Variants in SENP7 observed in about 807,000 individuals in gnomAD.
The protein encoded by SENP7 is SUMO specific peptidase 7, also known as sentrin-specific protease 7.
A neutral mutation model predicts 141.2 loss-of-function variants in SENP7; 64 were observed. The observed-to-expected ratio is 0.45, with a 90% CI of 0.37 to 0.56. The LOEUF (loss-of-function observed/expected upper bound fraction) is 0.56. Ranked by LOEUF, SENP7 falls within the 20% of genes least tolerant of loss-of-function variation. SENP7 has a pLI of 0.00. For missense variants in SENP7, 1,025 were observed against 1,212.2 expected, an observed-to-expected ratio of 0.85 and a Z score of 2.29; for synonymous variants, 382 against 426.4, an observed-to-expected ratio of 0.90 and a Z score of 1.28.
At chr3:101,361,507 T>C (rs1327691003) in intron 11 of SENP7, among the ~76,000 whole-genome samples, 2 of 152,084 alleles carry the variant, frequency 1.3e-5, no homozygotes, top group East Asian at 1.9e-4. Context: ...ATGATTTTCA[T>C]TAGAGTAGTC....
intron 2 of SENP7, among the ~76,000 whole-genome samples, chr3:101,498,175 T>C (rs1482774753): frequency 6.6e-6 from 1 of 152,158 alleles, no homozygotes; most frequent in Non-Finnish European, 1.5e-5. Context: ...ATATATAAAT[T>C]TGGAGGCAAG....
At chr3:101,358,058 A>AT (rs1256009063) in intron 11 of SENP7, 2 of 642,548 alleles carry the variant, frequency 3.1e-6, no homozygotes, top group Non-Finnish European at 4.9e-6. Context: ...CTCAACCCTT[A>AT]TTAAACATGA....
chr3:101,463,535 G>A (rs543295373), intron 3 of SENP7, among the ~76,000 whole-genome samples: 19 of 151,134 alleles, frequency 1.3e-4, no homozygotes, highest in African/African-American at 4.6e-4. Context: ...AAGAATTCTA[G>A]ACAGACTTCA....
chr3:101,358,258 C>T, intron 11 of SENP7: 1 of 1,060,528 alleles, frequency 9.4e-7, no homozygotes, highest in Non-Finnish European at 1.3e-6. Context: ...AGAAACCTTA[C>T]AAATGTGAAG....
chr3:101,399,264 T>C (rs1249483240), intron 5 of SENP7, among the ~76,000 whole-genome samples: 4 of 152,246 alleles, frequency 2.6e-5, no homozygotes, highest in Admixed American at 1.3e-4. Flanking sequence ...TTATCACTTA[T>C]AACATAGATT....
chr3:101,360,864 G>A (rs1020486277), intron 11 of SENP7, among the ~76,000 whole-genome samples: 1 of 152,154 alleles, frequency 6.6e-6, no homozygotes, highest in African/African-American at 2.4e-5. Context: ...TATCAGAGAA[G>A]CTTTAAAAGA....
intron 5 of SENP7, among the ~76,000 whole-genome samples, chr3:101,403,525 T>C (rs747389727): frequency 3.3e-5 from 5 of 152,208 alleles, no homozygotes; most frequent in Admixed American, 6.5e-5. Flanking sequence ...GTCTGTCCTA[T>C]TACATTATAC....
chr3:101,507,791 C>A (rs749519699), intron 1 of SENP7, among the ~76,000 whole-genome samples: 1 of 152,056 alleles, frequency 6.6e-6, no homozygotes, highest in African/African-American at 2.4e-5. Context: ...TGGCTCACAC[C>A]TGTAATCACA....
chr3:101,421,655 G>A (rs936457240), intron 4 of SENP7, among the ~76,000 whole-genome samples: 2 of 152,090 alleles, frequency 1.3e-5, no homozygotes, highest in African/African-American at 4.8e-5. Flanking sequence ...CGGACAATTT[G>A]GCTTCTCCGG....
At chr3:101,438,563 T>TA (rs1320703602) in intron 4 of SENP7, among the ~76,000 whole-genome samples, 1 of 152,188 alleles carries the variant, frequency 6.6e-6, no homozygotes, top group African/African-American at 2.4e-5. Context: ...ATTAAGATGA[T>TA]AAAATTTATG....
intron 3 of SENP7, among the ~76,000 whole-genome samples, chr3:101,478,945 C>A: frequency 6.6e-6 from 1 of 151,862 alleles, no homozygotes; most frequent in African/African-American, 2.4e-5. Context: ...GGATGAAAAA[C>A]AAAAACCATG....
At chr3:101,406,725 T>A (rs548643937) in intron 5 of SENP7, among the ~76,000 whole-genome samples, 1 of 152,266 alleles carries the variant, frequency 6.6e-6, no homozygotes, top group South Asian at 2.1e-4. Flanking sequence ...AAAGAACACC[T>A]GGAAAATTCA....
chr3:101,388,131 A>G (rs138073549), intron 6 of SENP7, among the ~76,000 whole-genome samples: 2 of 152,318 alleles, frequency 1.3e-5, no homozygotes, highest in Non-Finnish European at 2.9e-5. Context: ...ACAAAAGTCT[A>G]TGAACCACCA....
At chr3:101,336,140 T>G (rs571905778) in intron 17 of SENP7, among the ~76,000 whole-genome samples, 17 of 152,330 alleles carry the variant, frequency 1.1e-4, no homozygotes, top group Non-Finnish European at 2.1e-4. Flanking sequence ...TATCCAACTT[T>G]GAAAAACTCA....
At position 101,462,433 on chromosome 3, in the gene SENP7, C is replaced by T. The variant is rs538338799; in HGVS notation, c.187-3381G>A. ...GCACATGCCTATAATCCCAGCTACT[C>T]GGGAGGCTGAGGCAGAAGAATCACT... On this transcript the variant is annotated intron_variant, in intron 3 of 23. Coordinates refer to ENST00000394095, the MANE Select transcript of SENP7 (RefSeq NM_020654.5). Among the ~76,000 whole-genome samples, 6 of 151,404 alleles carry T rather than the reference C, an allele frequency of 4.0e-5. No homozygotes were observed. In the South Asian group the frequency reaches 1.0e-3, roughly 26 times the overall value.
At chr3:101,438,123 A>G (rs2062461152) in intron 4 of SENP7, among the ~76,000 whole-genome samples, 1 of 152,226 alleles carries the variant, frequency 6.6e-6, no homozygotes, top group Non-Finnish European at 1.5e-5. Context: ...AAAATTAAAA[A>G]CAGTGAGCTG....
intron 21 of SENP7, 41 bp from the exon 22 acceptor site, chr3:101,328,587 T>C (rs1405477972): frequency 1.3e-6 from 2 of 1,599,120 alleles, no homozygotes; most frequent in African/African-American, 1.3e-5. Context: ...TACATACTTG[T>C]ATACAAAGTA....
intron 6 of SENP7, among the ~76,000 whole-genome samples, chr3:101,388,158 T>C (rs1018842437): frequency 5.3e-5 from 8 of 152,198 alleles, no homozygotes; most frequent in African/African-American, 1.9e-4. Flanking sequence ...CCATGACACC[T>C]GAGCAAGCCC....
intron 8 of SENP7, 119 bp downstream of exon 8, chr3:101,367,711 A>C: frequency 1.5e-6 from 1 of 661,474 alleles, no homozygotes; most frequent in Non-Finnish European, 2.5e-6. Flanking sequence ...AGTGAACCAA[A>C]AACTAAAGAA....
Sources: allele counts gnomAD v4.1 joint callset (sites outside exome capture counted in the v4.1 genomes callset), GRCh38; gene constraint gnomAD v4.1.1; transcripts MANE v1.5; gene names NCBI Gene and HGNC (gene_info 2026-07-23, HGNC 2026-07-21).